KNTC1: variants seen among roughly 807,000 people sequenced by gnomAD.
KNTC1 encodes the protein kinetochore-associated protein 1.
Under a neutral mutation model 314.4 loss-of-function variants are expected in KNTC1, and 253 were observed. The observed-to-expected ratio is 0.80, with a 90% CI of 0.73 to 0.89. The LOEUF is 0.89. Ranked by LOEUF, KNTC1 falls within the 40% of genes least tolerant of loss-of-function variation. The pLI is 0.00. For synonymous variants in KNTC1, 901 were observed against 901.4 expected (o/e 1.00, Z 0.01); for missense variants, 2,475 against 2,572.9 (o/e 0.96, Z 0.82).
intron 20 of KNTC1, among the ~76,000 whole-genome samples, chr12:122,564,034 G>A (rs1342069588): frequency 1.3e-5 from 2 of 152,174 alleles, no homozygotes; most frequent in African/African-American, 4.8e-5. Context: ...CTGGAGTCCA[G>A]CGATGCTATC....
chr12:122,612,955 G>C (rs1873336184), intron 53 of KNTC1, 157 bp from the exon 54 acceptor site: 1 of 596,952 alleles, frequency 1.7e-6, no homozygotes, highest in African/African-American at 1.9e-5. Context: ...TGGACCACAT[G>C]TTAAGAACCA....
At chr12:122,592,266 C>A (rs1870346325) in intron 42 of KNTC1, among the ~76,000 whole-genome samples, 1 of 152,250 alleles carries the variant, frequency 6.6e-6, no homozygotes, top group South Asian at 2.1e-4. Flanking sequence ...TCCCACGGGG[C>A]AGGCCTTGGG....
At chr12:122,582,446 C>T (rs1868550928) in intron 33 of KNTC1, among the ~76,000 whole-genome samples, 1 of 151,772 alleles carries the variant, frequency 6.6e-6, no homozygotes, top group Non-Finnish European at 1.5e-5. Context: ...ATGTAAACAA[C>T]TGGGAACTAC....
rs765249849 is a variant in KNTC1 at position 122,577,756 on chromosome 12, C to T, written c.2806C>T (p.Leu936=). Residue 936 remains leucine (L), a synonymous_variant, in exon 31 of 64, where the codon CTG becomes TTG. Coordinates refer to ENST00000333479, the MANE Select transcript of KNTC1 (RefSeq NM_014708.6). ...AGAAAGAGTCATCATATGGGCACGA[C>T]TGGCATTACAAGAAGAGCCAGATCA... ...TAERVIIWAR[L]ALQEEPDHSK... The T allele has an allele frequency of 8.7e-6, 14 of 1,613,670 alleles. No homozygotes were observed. The highest frequency in any genetic ancestry group is 1.7e-4 in the Middle Eastern group (1 of 6,060).
Position 122,615,505 on chromosome 12 carries a change from C to T in KNTC1, c.6009C>T (p.Ser2003=), listed in dbSNP as rs1333774267. ...TAAGGAAAGTTTTAAAAGCCATCTC[C>T]AGTATCCATTCTTTATGGCAGGTAT... is the stretch of plus-strand genomic sequence containing the variant. The part of the protein sequence containing the change: ...PYLRKVLKAI[S]SIHSLWQVPY... The change falls in exon 57 of 64, where the codon TCC becomes TCT. Residue 2003 remains serine (S), a synonymous_variant. Transcript: ENST00000333479. 1 of 1,527,284 alleles carries T rather than the reference C, an allele frequency of 6.5e-7. No homozygotes were observed. The highest frequency in any genetic ancestry group is 1.4e-5 in the African/African-American group (1 of 72,076). 94.6% of individuals were successfully genotyped at this position (1,527,284 alleles called of 1,614,324 possible).
intron 1 of KNTC1, among the ~76,000 whole-genome samples, chr12:122,528,401 A>G (rs1960964023): frequency 6.6e-6 from 1 of 152,256 alleles, no homozygotes; most frequent in Non-Finnish European, 1.5e-5. Flanking sequence ...CAAATTAGCT[A>G]ACACCTAAAA....
chr12:122,536,793 CA>C (rs1460318604), intron 3 of KNTC1, among the ~76,000 whole-genome samples: 1 of 152,190 alleles, frequency 6.6e-6, no homozygotes, highest in East Asian at 1.9e-4. Context: ...GCTGGGATTA[CA>C]GGCGTGAGCC....
chr12:122,619,416 T>C (rs1182172498), intron 59 of KNTC1, among the ~76,000 whole-genome samples: 1 of 150,172 alleles, frequency 6.7e-6, no homozygotes, highest in Non-Finnish European at 1.5e-5. Flanking sequence ...GCAACACTTG[T>C]TTTGTTTTGT....
intron 55 of KNTC1, among the ~76,000 whole-genome samples, chr12:122,614,646 C>T (rs917817283): frequency 4.0e-5 from 6 of 151,892 alleles, no homozygotes; most frequent in African/African-American, 1.5e-4. Context: ...TTTGGGAGGC[C>T]GAGGCAGGTA....
chr12:122,562,653 G>A lies in KNTC1; in HGVS notation c.1558G>A (p.Ala520Thr), dbSNP rs1165218113. The A allele has an allele frequency of 4.4e-6, 7 of 1,605,968 alleles. No individual in the cohort carries two copies. The highest frequency in any genetic ancestry group is 3.3e-5 in the Admixed American group (2 of 59,776). Residue 520 changes from alanine to threonine, a missense_variant, in exon 20 of 64, where the codon GCA (alanine) becomes ACA (threonine). Physicochemically the swap from Ala to Thr is moderately conservative, Grantham distance 58. Coordinates refer to ENST00000333479, the MANE Select transcript of KNTC1 (RefSeq NM_014708.6). ...TTTTCTTCAGGTGCTAAGAGCTCATGCAAAATTGACTACTTTTTATGGAGC... is the reference window on the plus strand; with the variant it reads ...TTTTCTTCAGGTGCTAAGAGCTCATACAAAATTGACTACTTTTTATGGAGC... ...DGLKEVLRAH[A>T]KLTTFYGAFG...
intron 20 of KNTC1, among the ~76,000 whole-genome samples, chr12:122,567,224 C>A (rs1964406998): frequency 1.3e-5 from 2 of 151,952 alleles, no homozygotes; most frequent in Admixed American, 1.3e-4. Context: ...GCACCTGCCA[C>A]CACACCGGCT....
Position 122,613,770 on chromosome 12 carries a change from A to C in KNTC1, c.5877+9A>C. 1 of 1,596,304 alleles carries C rather than the reference A, an allele frequency of 6.3e-7. No homozygotes were observed. Among genetic ancestry groups the C allele is most frequent in the African/African-American group, 1.4e-5 (1 of 74,012 alleles). On this transcript the variant is annotated intron_variant, in intron 55 of 63. Transcript: ENST00000333479. ...ACAGCCACGAGTCCATGGTAGGTAC[A>C]CCTCACTGCCCCATTCCCAATTCCC... is the stretch of plus-strand genomic sequence containing the variant.
At chr12:122,532,206 CTTTTTTT>C (rs139344183) in intron 2 of KNTC1, among the ~76,000 whole-genome samples, 9 of 99,556 alleles carry the variant, frequency 9.0e-5, no homozygotes, top group Admixed American at 3.6e-4. Context: ...GCTAATTTTT[CTTTTTTT>C]TTTTTTTTTT....
chr12:122,552,197 C>T (rs1001136389), intron 16 of KNTC1, among the ~76,000 whole-genome samples: 1 of 152,072 alleles, frequency 6.6e-6, no homozygotes, highest in Non-Finnish European at 1.5e-5. Flanking sequence ...GTGTGAGCCA[C>T]TGCACCTGGC....
intron 51 of KNTC1, among the ~76,000 whole-genome samples, chr12:122,606,483 G>T (rs985771274): frequency 2.0e-5 from 3 of 152,060 alleles, no homozygotes; most frequent in African/African-American, 7.2e-5. Flanking sequence ...CTCCCAAAGT[G>T]TTGGGATTAC....
intron 57 of KNTC1, 60 bp downstream of exon 57, chr12:122,615,586 G>A (rs1046481892): frequency 7.2e-7 from 1 of 1,389,054 alleles, no homozygotes; most frequent in Non-Finnish European, 9.7e-7. Context: ...CTGGCCTTGT[G>A]ACTGCTGGGG....
At chr12:122,578,066 G>A (rs773209093) in intron 31 of KNTC1, among the ~76,000 whole-genome samples, 19 of 152,168 alleles carry the variant, frequency 1.2e-4, no homozygotes, top group Admixed American at 2.0e-4. Flanking sequence ...TCTATAAAGC[G>A]TTGCAATATA....
rs564735597 is a variant in KNTC1 at position 122,582,275 on chromosome 12, G to C, written c.2983-430G>C. Among the ~76,000 whole-genome samples, 205 of 152,224 alleles carry C rather than the reference G, an allele frequency of 1.3e-3. 1 individual carries two copies. The highest frequency in any genetic ancestry group is 1.8e-3 in the Non-Finnish European group (121 of 68,016). Reference sequence around the variant, plus strand: ...CTACTAAAAATAACAAAAATTAGCTGGGCGTGGTGATGCGTGCCTGCAGTC... The same window carrying C: ...CTACTAAAAATAACAAAAATTAGCTCGGCGTGGTGATGCGTGCCTGCAGTC... On this transcript the variant is annotated intron_variant, in intron 33 of 63. Transcript: ENST00000333479.
rs751494682 is a variant in KNTC1, at chr12:122,573,310, T to C, written c.2283+25T>C. On this transcript the variant is annotated intron_variant, in intron 26 of 63. Transcript: ENST00000333479. ...GGTAACTTTTCCTTTACATCTAGTC[T>C]TATTTCTTGGATCTATGCAGTGTAG... is the stretch of plus-strand genomic sequence containing the variant. The C allele has an allele frequency of 3.7e-6, 6 of 1,603,300 alleles. No homozygotes were observed. In the East Asian group the frequency reaches 8.9e-5, roughly 24 times the overall value.
Sources: gnomAD v4.1 joint callset for allele counts (sites outside exome capture counted in the v4.1 genomes callset) on GRCh38, gnomAD v4.1.1 for gene constraint, MANE v1.5 for transcripts, NCBI Gene and HGNC (gene_info 2026-07-23, HGNC 2026-07-21) for gene names.